Variants in ZFHX3 observed in about 807,000 individuals in gnomAD.
ZFHX3 encodes zinc finger homeobox protein 3.
Under a neutral mutation model 279.1 loss-of-function variants are expected in ZFHX3, and 42 were observed. The ratio of observed to expected loss-of-function variants is 0.15; its 90% CI spans 0.12 to 0.19. ZFHX3 has a LOEUF of 0.19. Among genes scored for constraint, ZFHX3 ranks in the 10% least tolerant of loss-of-function variants. ZFHX3 has a pLI of 1.00. For synonymous variants in ZFHX3, 2,293 were observed against 1,957.8 expected (o/e 1.17, Z -4.52); for missense variants, 4,981 against 4,754.0 (o/e 1.05, Z -1.40).
chr16:73,770,460 A>G (rs1404545709), intron 1 of ZFHX3, among the ~76,000 whole-genome samples: 2 of 152,242 alleles, frequency 1.3e-5, no homozygotes, highest in African/African-American at 2.4e-5. Flanking sequence ...TGCTTATGGT[A>G]ATTTGTTACA....
chr16:73,842,952 C>T (rs1472625996), intron 1 of ZFHX3, among the ~76,000 whole-genome samples: 1 of 152,218 alleles, frequency 6.6e-6, no homozygotes, highest in South Asian at 2.1e-4. Context: ...ATGGAACCCC[C>T]ACTTTACGAT....
intron 1 of ZFHX3, among the ~76,000 whole-genome samples, chr16:73,801,333 C>T (rs1444855448): frequency 6.6e-6 from 1 of 152,144 alleles, no homozygotes; most frequent in African/African-American, 2.4e-5. Flanking sequence ...ATGACCAATA[C>T]ATATTTTCTG....
At chr16:73,718,591 G>T (rs1247959092) in intron 1 of ZFHX3, among the ~76,000 whole-genome samples, 1 of 149,772 alleles carries the variant, frequency 6.7e-6, no homozygotes, top group South Asian at 2.2e-4. Flanking sequence ...AATCATGTTT[G>T]TTTATGTATT....
At chr16:73,445,236 A>G (rs1003627995) in intron 3 of ZFHX3, among the ~76,000 whole-genome samples, 4 of 151,478 alleles carry the variant, frequency 2.6e-5, no homozygotes, top group African/African-American at 7.3e-5. Flanking sequence ...ATGTGTATGT[A>G]TGTATACATA....
At chr16:73,122,317 T>C (rs886093489) in intron 7 of ZFHX3, among the ~76,000 whole-genome samples, 5 of 151,960 alleles carry the variant, frequency 3.3e-5, no homozygotes, top group African/African-American at 1.2e-4. Flanking sequence ...GCGATTCTCA[T>C]GCTTCAGCCT....
At chr16:73,781,590 A>G (rs1190435543) in intron 1 of ZFHX3, among the ~76,000 whole-genome samples, 1 of 152,212 alleles carries the variant, frequency 6.6e-6, no homozygotes, top group Non-Finnish European at 1.5e-5. Context: ...AATATTTACT[A>G]CTGGGTCCTT....
chr16:73,807,869 G>A (rs140807545), intron 1 of ZFHX3, among the ~76,000 whole-genome samples: 54 of 151,962 alleles, frequency 3.6e-4, no homozygotes, highest in African/African-American at 1.1e-3. Context: ...GACGGGCATC[G>A]TACCAGGCCC....
rs542908763 is a variant in ZFHX3, at chr16:72,822,412, C to T, written c.3529+7367G>A. On this transcript the variant is annotated intron_variant, in intron 5 of 9. Coordinates refer to ENST00000268489, the MANE Select transcript of ZFHX3 (RefSeq NM_006885.4). ...GGGATTTGACTGCAACTCTGACACC[C>T]GAGTTCCCAATCTGTGAGGCTTAGT... 8.5e-5 allele frequency among the ~76,000 whole-genome samples: 13 copies of T among 152,330 alleles called. No homozygotes were observed. In the South Asian group the frequency reaches 1.0e-3, roughly 12 times the overall value.
intron 2 of ZFHX3, among the ~76,000 whole-genome samples, chr16:73,605,651 G>C (rs1286379110): frequency 6.6e-6 from 1 of 151,586 alleles, no homozygotes; most frequent in African/African-American, 2.4e-5. Flanking sequence ...TAGGGGGAGA[G>C]TCTGGGGTAG....
Position 73,523,284 on chromosome 16 carries a change from T to C in ZFHX3, c.-1546-67026A>G, listed in dbSNP as rs150703805. Among the ~76,000 whole-genome samples the C allele has an allele frequency of 2.9e-3, 446 of 152,312 alleles. 3 individuals carry two copies. Among genetic ancestry groups the C allele is most frequent in the African/African-American group, 0.01 (423 of 41,578 alleles). On this transcript the variant is annotated intron_variant, in intron 2 of 17. Coordinates refer to the ZFHX3 transcript ENST00000641206. ...GAACTCTTGGAACACAGCACCTGCT[T>C]GGTACAATGAGATCTCTTCCCACTC... is the stretch of plus-strand genomic sequence containing the variant.
chr16:73,389,033 C>T, intron 3 of ZFHX3: 1 of 152,274 alleles, frequency 6.6e-6, no homozygotes. Context: ...CCAAACCACA[C>T]TCACACAAAT....
chr16:73,768,490 G>A (rs16972537), intron 1 of ZFHX3, among the ~76,000 whole-genome samples: 59,034 of 152,052 alleles, frequency 0.39, 11,559 homozygotes, highest in Admixed American at 0.43. Context: ...AGCTAGACCT[G>A]AAATCCTATA....
chr16:73,367,891 C>T (rs1295101042), intron 3 of ZFHX3, among the ~76,000 whole-genome samples: 1 of 128,036 alleles, frequency 7.8e-6, no homozygotes, highest in Non-Finnish European at 1.6e-5. Context: ...TTTTTTGAGA[C>T]AGAGTCTCAC....
At chr16:73,292,596 TTAAGG>T (rs1292459364) in intron 4 of ZFHX3, among the ~76,000 whole-genome samples, 1 of 152,210 alleles carries the variant, frequency 6.6e-6, no homozygotes, top group Non-Finnish European at 1.5e-5. Flanking sequence ...CTTTCAAATC[TTAAGG>T]TAAAACATTT....
chr16:73,058,585 C>A, exon 1 of ZFHX3: 1 of 240,260 alleles, frequency 4.2e-6, no homozygotes, highest in East Asian at 7.2e-5. Flanking sequence ...ACGGCGGCGG[C>A]GGCGGGAGCT....
intron 5 of ZFHX3, among the ~76,000 whole-genome samples, chr16:72,822,603 A>T (rs2036822864): frequency 6.6e-6 from 1 of 152,232 alleles, no homozygotes; most frequent in African/African-American, 2.4e-5. Context: ...TAAAGCTGGA[A>T]CAAAGCAGGC....
At chr16:72,860,942 G>A (rs1011665440) in intron 4 of ZFHX3, among the ~76,000 whole-genome samples, 1 of 152,124 alleles carries the variant, frequency 6.6e-6, no homozygotes, top group Non-Finnish European at 1.5e-5. Flanking sequence ...TGTGCACAAC[G>A]GTGACTTTAC....
intron 5 of ZFHX3, among the ~76,000 whole-genome samples, chr16:73,239,239 A>C (rs1034676762): frequency 6.6e-6 from 1 of 152,252 alleles, no homozygotes; most frequent in African/African-American, 2.4e-5. Context: ...CCATAGAGAA[A>C]AAAGGATTTC....
intron 1 of ZFHX3, among the ~76,000 whole-genome samples, chr16:73,741,831 T>A (rs969941109): frequency 2.0e-5 from 3 of 152,126 alleles, no homozygotes; most frequent in Non-Finnish European, 4.4e-5. Context: ...ATAAAATGGA[T>A]CCAGAAATGG....
Sources: allele counts gnomAD v4.1 joint callset (sites outside exome capture counted in the v4.1 genomes callset), GRCh38; gene constraint gnomAD v4.1.1; transcripts MANE v1.5; gene names NCBI Gene and HGNC (gene_info 2026-07-23, HGNC 2026-07-21).